SLC39A9: variants seen among roughly 807,000 people sequenced by gnomAD.
SLC39A9 encodes the protein zinc transporter ZIP9.
Under a neutral mutation model 28.4 loss-of-function variants are expected in SLC39A9, and 14 were observed. That is an observed-to-expected ratio of 0.49 (90% CI 0.33 to 0.77). The LOEUF (loss-of-function observed/expected upper bound fraction) is 0.77, where lower values mean the gene tolerates loss of function less well. Ranked by LOEUF, SLC39A9 falls within the 30% of genes least tolerant of loss-of-function variation. SLC39A9 has a pLI of 0.02. For synonymous variants in SLC39A9, 119 were observed against 149.6 expected, an observed-to-expected ratio of 0.80 and a Z score of 1.49; for missense variants, 283 against 381.1, an observed-to-expected ratio of 0.74 and a Z score of 2.14.
intron 2 of SLC39A9, chr14:69,441,748 T>C (rs891460787): frequency 2.5e-5 from 25 of 1,013,614 alleles, no homozygotes; most frequent in Admixed American, 1.1e-4. Flanking sequence ...GGCATGAATT[T>C]CTCAGATAAA....
At chr14:69,410,309 C>A (rs1203146105) in intron 1 of SLC39A9, among the ~76,000 whole-genome samples, 1 of 152,196 alleles carries the variant, frequency 6.6e-6, no homozygotes, top group African/African-American at 2.4e-5. Context: ...AGAATTGTAA[C>A]TTCGTTCACT....
chr14:69,442,918 T>A (rs182708306), intron 3 of SLC39A9, among the ~76,000 whole-genome samples: 131 of 152,282 alleles, frequency 8.6e-4, no homozygotes, highest in African/African-American at 3.0e-3. Context: ...GTGTAGAAAA[T>A]CTTGATTTAC....
intron 1 of SLC39A9, among the ~76,000 whole-genome samples, chr14:69,409,913 C>T (rs1378624046): frequency 6.6e-6 from 1 of 152,156 alleles, no homozygotes; most frequent in Non-Finnish European, 1.5e-5. Context: ...TTCTCACAAA[C>T]ATTATCATTA....
At chr14:69,398,592 A>C, upstream of SLC39A9, 1 of 313,530 alleles carries the variant, frequency 3.2e-6, no homozygotes, top group Non-Finnish European at 6.0e-6. Context: ...CCTACTCAAA[A>C]ATGGCGGCAA....
intron 3 of SLC39A9, among the ~76,000 whole-genome samples, chr14:69,452,474 G>A (rs150909792): frequency 6.6e-5 from 10 of 152,010 alleles, no homozygotes; most frequent in African/African-American, 1.7e-4. Context: ...GATTACAGGC[G>A]CCCGCCACCA....
At chr14:69,426,943 CATAAA>C (rs1186724805) in intron 2 of SLC39A9, among the ~76,000 whole-genome samples, 2 of 151,654 alleles carry the variant, frequency 1.3e-5, no homozygotes, top group African/African-American at 4.8e-5. Flanking sequence ...CACACACATA[CATAAA>C]ATAACACCAC....
At chr14:69,423,663 C>T (rs190747917) in intron 1 of SLC39A9, among the ~76,000 whole-genome samples, 5 of 152,174 alleles carry the variant, frequency 3.3e-5, no homozygotes, top group East Asian at 1.9e-4. Flanking sequence ...TCTGGGAGAC[C>T]GAAGCGGGCG....
chr14:69,454,812 C>G lies in SLC39A9; in HGVS notation c.473C>G (p.Ala158Gly). The change falls in exon 5 of 7, where the codon GCT becomes GGT. Residue 158 changes from alanine (A) to glycine (G), a missense_variant and splice_region_variant. Transcript: ENST00000336643. The stretch of plus-strand genomic sequence containing the variant: ...TATGTTTCCTTGTTTCCAAATATAG[C>G]TGATGGTGTTGCTTTGGGAGCAGCA... ...TTLGLVVHAA[A>G]DGVALGAAAS... is the part of the protein sequence containing the mutation. The G allele has an allele frequency of 6.2e-7, 1 of 1,612,758 alleles. No homozygotes were observed. Among genetic ancestry groups the G allele is most frequent in the Non-Finnish European group, 8.5e-7 (1 of 1,178,888 alleles).
chr14:69,442,944 CAAATG>C (rs1885116337), intron 3 of SLC39A9, among the ~76,000 whole-genome samples: 1 of 152,156 alleles, frequency 6.6e-6, no homozygotes, highest in South Asian at 2.1e-4. Context: ...TATTTTCTTA[CAAATG>C]TACCTAAACA....
chr14:69,440,911 C>G lies in SLC39A9; in HGVS notation c.206-1158C>G, dbSNP rs189715938. On this transcript the variant is annotated intron_variant, in intron 2 of 6. Coordinates refer to ENST00000336643, the MANE Select transcript of SLC39A9 (RefSeq NM_018375.5). ...ATCTCCTGGCCTCGTGATCTGCCCC[C>G]CTTGGCCTCCCAAAGTACTACGATT... Among the ~76,000 whole-genome samples the G allele has an allele frequency of 5.3e-5, 8 of 152,270 alleles. No individual in the cohort carries two copies. In the East Asian group the frequency reaches 1.4e-3, roughly 26 times the overall value.
chr14:69,444,976 A>T (rs1007862369), intron 3 of SLC39A9, among the ~76,000 whole-genome samples: 22 of 152,128 alleles, frequency 1.4e-4, no homozygotes, highest in African/African-American at 5.3e-4. Flanking sequence ...GCTCTAAAAA[A>T]AATAATAATA....
At chr14:69,427,687 G>T (rs1884270784) in intron 2 of SLC39A9, among the ~76,000 whole-genome samples, 1 of 152,082 alleles carries the variant, frequency 6.6e-6, no homozygotes, top group Non-Finnish European at 1.5e-5. Context: ...GTAACCTTTG[G>T]GTCTGGCTTC....
At chr14:69,424,919 G>A (rs1474290792) in intron 2 of SLC39A9, among the ~76,000 whole-genome samples, 1 of 152,160 alleles carries the variant, frequency 6.6e-6, no homozygotes, top group Non-Finnish European at 1.5e-5. Context: ...AAAGAGGTAG[G>A]CACTTCCAAA....
intron 3 of SLC39A9, among the ~76,000 whole-genome samples, chr14:69,444,748 G>T (rs1032449536): frequency 1.3e-5 from 2 of 152,162 alleles, no homozygotes; most frequent in Admixed American, 1.3e-4. Flanking sequence ...TTCAGTCATG[G>T]AGATTGGCTG....
Position 69,459,227 on chromosome 14 carries a change from A to G in SLC39A9, c.*634A>G. On this transcript the variant is annotated 3_prime_UTR_variant, in exon 7 of 7. Transcript: ENST00000336643. ...AAGGGATGTCTAGAGGGATTTAAAC[A>G]GCTCCTTTGGCACGTGCCTCTCTGA... is the stretch of plus-strand genomic sequence containing the variant. The G allele has an allele frequency of 1.0e-6, 1 of 985,508 alleles. No homozygotes were observed. Among genetic ancestry groups the G allele is most frequent in the Non-Finnish European group, 1.2e-6 (1 of 829,964 alleles). 61.0% of individuals were successfully genotyped at this position (985,508 alleles called of 1,614,324 possible). A position where few individuals can be genotyped will look rare whatever the true frequency, so the allele number is the denominator to read the frequency against.
At chr14:69,443,080 A>G (rs1430318565) in intron 3 of SLC39A9, among the ~76,000 whole-genome samples, 1 of 152,222 alleles carries the variant, frequency 6.6e-6, no homozygotes, top group African/African-American at 2.4e-5. Flanking sequence ...CAATGAATTT[A>G]TCTTTGGCTA....
intron 2 of SLC39A9, among the ~76,000 whole-genome samples, chr14:69,438,107 C>T (rs1171342922): frequency 3.3e-5 from 5 of 151,626 alleles, no homozygotes; most frequent in Non-Finnish European, 4.4e-5. Flanking sequence ...CTGCAACCAC[C>T]GCCTCCTGGG....
Position 69,460,014 on chromosome 14 carries a change from C to G in SLC39A9, c.*1421C>G. ...CTGGTAATTTAAACAATTGAGATAGCAAAAGTGTTTAACAGACTAGGATAA... is the reference window on the plus strand; with the variant it reads ...CTGGTAATTTAAACAATTGAGATAGGAAAAGTGTTTAACAGACTAGGATAA... On this transcript the variant is annotated 3_prime_UTR_variant, in exon 7 of 7. Coordinates refer to ENST00000336643, the MANE Select transcript of SLC39A9 (RefSeq NM_018375.5). 4 of 984,994 alleles carry G rather than the reference C, an allele frequency of 4.1e-6. No homozygotes were observed. Among genetic ancestry groups the G allele is most frequent in the Non-Finnish European group, 4.8e-6 (4 of 829,200 alleles). The allele number at this position is 984,994 out of a possible 1,614,324, so 61.0% of individuals were successfully genotyped here. A position where few individuals can be genotyped will look rare whatever the true frequency, so the allele number is the denominator to read the frequency against.
chr14:69,439,231 A>G (rs567139242), intron 2 of SLC39A9, among the ~76,000 whole-genome samples: 1 of 152,322 alleles, frequency 6.6e-6, no homozygotes, highest in South Asian at 2.1e-4. Flanking sequence ...TACCTAATGT[A>G]AATGAGGAGT....
Sources: allele counts gnomAD v4.1 joint callset (sites outside exome capture counted in the v4.1 genomes callset), GRCh38; gene constraint gnomAD v4.1.1; transcripts MANE v1.5; gene names NCBI Gene and HGNC (gene_info 2026-07-23, HGNC 2026-07-21).